Variants in C3orf20 observed in about 807,000 individuals in gnomAD.
C3orf20 encodes uncharacterized protein C3orf20.
A neutral mutation model predicts 88.3 loss-of-function variants in C3orf20; 76 were observed. That is an observed-to-expected ratio of 0.86 (90% CI 0.72 to 1.04). The LOEUF (loss-of-function observed/expected upper bound fraction) is 1.04, where lower values mean the gene tolerates loss of function less well. Among genes scored for constraint, C3orf20 ranks in the 50% least tolerant of loss-of-function variants. The pLI, the probability that C3orf20 is intolerant of heterozygous loss-of-function variation, is 0.00. For missense variants in C3orf20, 1,056 were observed against 1,123.3 expected, an observed-to-expected ratio of 0.94 and a Z score of 0.86; for synonymous variants, 436 against 437.4, an observed-to-expected ratio of 1.00 and a Z score of 0.04.
At chr3:14,760,073 A>C in intron 14 of C3orf20, 75 bp downstream of exon 14, 2 of 1,083,326 alleles carry the variant, frequency 1.8e-6, no homozygotes, top group South Asian at 1.3e-5. Context: ...AGAATCACAC[A>C]TGTGGGAGGA....
intron 6 of C3orf20, among the ~76,000 whole-genome samples, chr3:14,703,788 G>T (rs1022018913): frequency 5.3e-5 from 8 of 152,194 alleles, no homozygotes; most frequent in African/African-American, 1.9e-4. Flanking sequence ...CCTTGACATG[G>T]GTGATTAGTG....
At position 14,725,257 on chromosome 3, in the gene C3orf20, G is replaced by T. The variant is rs139597758; in HGVS notation, c.1567-1644G>T. Among the ~76,000 whole-genome samples the T allele has an allele frequency of 5.9e-5, 9 of 152,226 alleles. No individual in the cohort carries two copies. In the East Asian group the frequency reaches 1.7e-3, roughly 29 times the overall value. ...GAAAATTAGCTCATCTTGCATTCTT[G>T]GACCGTGAGAGCTGCAAGGAGCTTC... On this transcript the variant is annotated intron_variant, in intron 10 of 16. Coordinates refer to ENST00000253697, the MANE Select transcript of C3orf20 (RefSeq NM_032137.5).
intron 6 of C3orf20, among the ~76,000 whole-genome samples, chr3:14,703,657 A>T (rs2033374437): frequency 6.6e-6 from 1 of 152,222 alleles, no homozygotes; most frequent in African/African-American, 2.4e-5. Context: ...GCACCTTGCC[A>T]GGGATGCCCC....
chr3:14,743,388 T>A (rs1482699081), intron 12 of C3orf20, among the ~76,000 whole-genome samples: 1 of 151,896 alleles, frequency 6.6e-6, no homozygotes, highest in East Asian at 1.9e-4. Flanking sequence ...GTTCCCAGGG[T>A]CTTGGGCAGC....
intron 5 of C3orf20, among the ~76,000 whole-genome samples, chr3:14,696,371 C>CATCATT (rs1553610665): frequency 7.0e-6 from 1 of 142,042 alleles, no homozygotes; most frequent in African/African-American, 2.6e-5. Context: ...GTTGTGCTAT[C>CATCATT]ATTATTATTA....
At chr3:14,713,801 A>G (rs2033837439) in intron 7 of C3orf20, among the ~76,000 whole-genome samples, 1 of 152,214 alleles carries the variant, frequency 6.6e-6, no homozygotes, top group South Asian at 2.1e-4. Context: ...TTGTGAGAAA[A>G]TAGAAGATAC....
intron 13 of C3orf20, among the ~76,000 whole-genome samples, chr3:14,759,001 G>A (rs994883850): frequency 1.3e-5 from 2 of 152,228 alleles, no homozygotes; most frequent in Non-Finnish European, 2.9e-5. Context: ...GGGGCTAGTC[G>A]TTGTTCGCTA....
Position 14,682,977 on chromosome 3 carries a change from C to T in C3orf20, c.264C>T (p.Val88=), listed in dbSNP as rs2032180431. Residue 88 remains valine (V), a synonymous_variant, in exon 3 of 17, where the codon GTC becomes GTT. Transcript: ENST00000253697. The stretch of plus-strand genomic sequence containing the variant: ...TCATGGAACCCACCTTTGTGCAGGT[C>T]CCCACACTGAAGAAGCCACTACCTC... ...VVLMEPTFVQ[V]PTLKKPLPPP... The T allele has an allele frequency of 6.2e-6, 10 of 1,613,890 alleles. No homozygotes were observed. Among genetic ancestry groups the T allele is most frequent in the Non-Finnish European group, 8.5e-6 (10 of 1,179,952 alleles).
intron 5 of C3orf20, among the ~76,000 whole-genome samples, chr3:14,699,500 C>T (rs2033154742): frequency 6.6e-6 from 1 of 152,230 alleles, no homozygotes; most frequent in Admixed American, 6.5e-5. Flanking sequence ...TCCTTCCCTT[C>T]AAGGCAGTGG....
At chr3:14,732,728 TG>T (rs1412680885) in intron 12 of C3orf20, among the ~76,000 whole-genome samples, 1 of 152,228 alleles carries the variant, frequency 6.6e-6, no homozygotes, top group Non-Finnish European at 1.5e-5. Context: ...CAAAGAATTA[TG>T]AAGTCCAAAA....
chr3:14,707,773 A>T (rs1308019178), intron 7 of C3orf20, among the ~76,000 whole-genome samples: 1 of 151,256 alleles, frequency 6.6e-6, no homozygotes, highest in East Asian at 1.9e-4. Context: ...ATGTCTAAAA[A>T]ACCATCGCCA....
chr3:14,745,650 AG>A (rs1295367458), intron 12 of C3orf20, among the ~76,000 whole-genome samples: 4 of 152,242 alleles, frequency 2.6e-5, no homozygotes, highest in Admixed American at 1.3e-4. Flanking sequence ...TGAAATTATT[AG>A]ACCAAGGGTC....
At chr3:14,722,447 G>A (rs12486391) in intron 10 of C3orf20, 107,510 of 456,408 alleles carry the variant, frequency 0.24, 13,880 homozygotes, top group South Asian at 0.35. Flanking sequence ...CAAAGGATAA[G>A]GCAGAAGAGT....
At chr3:14,719,107 C>A (rs1313424562) in intron 9 of C3orf20, among the ~76,000 whole-genome samples, 1 of 150,444 alleles carries the variant, frequency 6.6e-6, no homozygotes, top group African/African-American at 2.4e-5. Context: ...GTTCACTCTT[C>A]ATAGCCTTTG....
At position 14,715,279 on chromosome 3, in the gene C3orf20, T is replaced by A; in HGVS notation, c.1314-10T>A. On this transcript the variant is annotated splice_polypyrimidine_tract_variant and intron_variant, in intron 8 of 16. Transcript: ENST00000253697. Reference sequence around the variant, plus strand: ...CCGGTGGCAGCTACTCACTTCTGTATCTCTCCTAGTTGCCCATATGTCTTA... The same window carrying A: ...CCGGTGGCAGCTACTCACTTCTGTAACTCTCCTAGTTGCCCATATGTCTTA... 3 of 1,610,498 alleles carry A rather than the reference T, an allele frequency of 1.9e-6. No individual in the cohort carries two copies. In the South Asian group the frequency reaches 3.3e-5, roughly 18 times the overall value.
At position 14,704,385 on chromosome 3, in the gene C3orf20, G is replaced by T; in HGVS notation, c.927G>T (p.Met309Ile). 2 of 1,614,136 alleles carry T rather than the reference G, an allele frequency of 1.2e-6. No individual in the cohort carries two copies. Among genetic ancestry groups the T allele is most frequent in the Non-Finnish European group, 1.7e-6 (2 of 1,180,028 alleles). ...AAGGGAGGAATATCTCCTACCCCAT[G>T]ATCTTACGAAACTACAAGGCAAAGA... ...TWKGRNISYP[M>I]ILRNYKAKMP... Residue 309 changes from methionine (M) to isoleucine (I), a missense_variant, in exon 7 of 17, where the codon ATG becomes ATT. Coordinates refer to ENST00000253697, the MANE Select transcript of C3orf20 (RefSeq NM_032137.5).
At chr3:14,725,802 C>T (rs998338711) in intron 10 of C3orf20, among the ~76,000 whole-genome samples, 10 of 149,786 alleles carry the variant, frequency 6.7e-5, no homozygotes, top group Non-Finnish European at 1.3e-4. Flanking sequence ...CTCTATGTTA[C>T]GTGGGAGATG....
intron 13 of C3orf20, among the ~76,000 whole-genome samples, chr3:14,759,658 G>A (rs776051465): frequency 6.6e-6 from 1 of 152,112 alleles, no homozygotes; most frequent in South Asian, 2.1e-4. Context: ...CAGCCATCTC[G>A]GAAATGGCCT....
At chr3:14,740,170 T>G (rs891273584) in intron 12 of C3orf20, among the ~76,000 whole-genome samples, 2 of 152,230 alleles carry the variant, frequency 1.3e-5, no homozygotes, top group African/African-American at 4.8e-5. Flanking sequence ...GGTTAATCAT[T>G]TCTAGCTTTT....
Sources: gnomAD v4.1 joint callset for allele counts (sites outside exome capture counted in the v4.1 genomes callset) on GRCh38, gnomAD v4.1.1 for gene constraint, MANE v1.5 for transcripts, NCBI Gene and HGNC (gene_info 2026-07-23, HGNC 2026-07-21) for gene names.